The following GABRG3 variants were observed in gnomAD, a reference collection of about 807,000 sequenced individuals.
GABRG3 encodes gamma-aminobutyric acid receptor subunit gamma-3.
Under a neutral mutation model 48.8 loss-of-function variants are expected in GABRG3, and 25 were observed. The ratio of observed to expected loss-of-function variants is 0.51; its 90% CI spans 0.37 to 0.72. The LOEUF (loss-of-function observed/expected upper bound fraction) is 0.72. Ranked by LOEUF, GABRG3 falls within the 30% of genes least tolerant of loss-of-function variation. The pLI, the probability that GABRG3 is intolerant of heterozygous loss-of-function variation, is 0.00. For missense variants in GABRG3, 394 were observed against 577.9 expected (o/e 0.68, Z 3.26); for synonymous variants, 227 against 217.6 (o/e 1.04, Z -0.38).
At chr15:27,193,102 C>T (rs1016984377) in intron 3 of GABRG3, among the ~76,000 whole-genome samples, 5 of 152,220 alleles carry the variant, frequency 3.3e-5, no homozygotes, top group African/African-American at 1.2e-4. Flanking sequence ...AGTATCCGGC[C>T]GTGTGAGGTG....
At chr15:27,445,085 C>T (rs998824779) in intron 5 of GABRG3, among the ~76,000 whole-genome samples, 2 of 152,144 alleles carry the variant, frequency 1.3e-5, no homozygotes, top group African/African-American at 4.8e-5. Context: ...GTTGGCCAGG[C>T]TGGTCTCGAA....
intron 5 of GABRG3, among the ~76,000 whole-genome samples, chr15:27,388,251 A>AGGG (rs1252961933): frequency 4.5e-5 from 2 of 44,266 alleles, no homozygotes; most frequent in Non-Finnish European, 8.5e-5. Flanking sequence ...GGAGGAAAGG[A>AGGG]AGGAAGGAAA....
At chr15:27,516,046 A>G (rs1891010708) in intron 6 of GABRG3, among the ~76,000 whole-genome samples, 1 of 151,444 alleles carries the variant, frequency 6.6e-6, no homozygotes, top group African/African-American at 2.4e-5. Context: ...AAATTTGCTT[A>G]TATATTTGGT....
In GABRG3 at chr15:27,029,437, GCACACA is replaced by G. The variant is rs10564490; in HGVS notation, c.270+2630_270+2635del. ...GGGCAGGCAAGGATTTGTTTAAAAT[GCACACA>G]CACACACACACACGCATGCACACAT... is the stretch of plus-strand genomic sequence containing the variant. On this transcript the variant is annotated intron_variant, in intron 3 of 9. Transcript: ENST00000615808. 9.8e-3 allele frequency among the ~76,000 whole-genome samples: 1,471 copies of G among 150,688 alleles called. 13 individuals carry two copies. Among genetic ancestry groups the G allele is most frequent in the Non-Finnish European group, 0.016 (1,098 of 67,554 alleles).
At chr15:27,003,291 A>G (rs368572060) in intron 2 of GABRG3, among the ~76,000 whole-genome samples, 29 of 150,138 alleles carry the variant, frequency 1.9e-4, no homozygotes, top group Admixed American at 5.3e-4. Context: ...GCAGGGTCAT[A>G]GGACAATAGT....
intron 5 of GABRG3, among the ~76,000 whole-genome samples, chr15:27,332,524 ACT>A (rs748389073): frequency 6.7e-6 from 1 of 150,190 alleles, no homozygotes; most frequent in African/African-American, 2.5e-5. Context: ...ACAGAGTGAA[ACT>A]CTGTCTAAAA....
intron 6 of GABRG3, among the ~76,000 whole-genome samples, chr15:27,498,111 T>C (rs1890530983): frequency 6.6e-6 from 1 of 152,216 alleles, no homozygotes; most frequent in Non-Finnish European, 1.5e-5. Flanking sequence ...AGGATTTATG[T>C]CTTGATTTGT....
At chr15:27,294,222 C>CT in intron 3 of GABRG3, among the ~76,000 whole-genome samples, 1 of 144,210 alleles carries the variant, frequency 6.9e-6, no homozygotes, top group East Asian at 2.0e-4. Context: ...TTTTCTTTTT[C>CT]CTTTTTTTTT....
intron 3 of GABRG3, among the ~76,000 whole-genome samples, chr15:27,226,596 A>G (rs548456700): frequency 2.6e-5 from 4 of 151,806 alleles, no homozygotes; most frequent in Admixed American, 2.6e-4. Flanking sequence ...TGCCATCCGG[A>G]TGCCCCGGGC....
Position 27,352,904 on chromosome 15 carries a change from C to G in GABRG3, c.574+24016C>G, listed in dbSNP as rs1894675302. Among the ~76,000 whole-genome samples the G allele has an allele frequency of 2.0e-5, 3 of 152,152 alleles. No individual in the cohort carries two copies. Among genetic ancestry groups the G allele is most frequent in the African/African-American group, 4.8e-5 (2 of 41,414 alleles). The stretch of plus-strand genomic sequence containing the variant: ...TGGTAAGTCATTGCATCTGCATTAT[C>G]TTATCATCACGATTGCTGACAATGA... On this transcript the variant is annotated intron_variant, in intron 5 of 9. Coordinates refer to ENST00000615808, the MANE Select transcript of GABRG3 (RefSeq NM_033223.5). The surrounding 1 kb of genome is among the most constrained non-coding windows in gnomAD (Gnocchi z 4.0).
intron 3 of GABRG3, among the ~76,000 whole-genome samples, chr15:27,240,938 T>C (rs548941345): frequency 6.6e-6 from 1 of 152,326 alleles, no homozygotes; most frequent in African/African-American, 2.4e-5. Flanking sequence ...ACATTTCATA[T>C]GGAATCCTGA....
intron 3 of GABRG3, among the ~76,000 whole-genome samples, chr15:27,154,983 CCTTA>C (rs1279497040): frequency 6.6e-6 from 1 of 151,886 alleles, no homozygotes; most frequent in East Asian, 1.9e-4. Flanking sequence ...ACTTTTTCAT[CCTTA>C]CTGTCTTTCC....
chr15:27,004,274 G>T (rs1566906434), intron 2 of GABRG3, among the ~76,000 whole-genome samples: 1 of 151,872 alleles, frequency 6.6e-6, no homozygotes, highest in Non-Finnish European at 1.5e-5. Context: ...TCTCAGACGG[G>T]GCGGCCGGGC....
At chr15:27,162,085 T>G (rs1288040784) in intron 3 of GABRG3, among the ~76,000 whole-genome samples, 2 of 152,200 alleles carry the variant, frequency 1.3e-5, no homozygotes, top group African/African-American at 4.8e-5. Flanking sequence ...CTAAGACTGT[T>G]TACAGCTTAC....
At chr15:27,499,048 A>G (rs1380399034) in intron 6 of GABRG3, among the ~76,000 whole-genome samples, 1 of 152,034 alleles carries the variant, frequency 6.6e-6, no homozygotes, top group African/African-American at 2.4e-5. Flanking sequence ...CACGGAGCAG[A>G]CCTCGTCAGT....
intron 5 of GABRG3, among the ~76,000 whole-genome samples, chr15:27,393,974 T>G (rs1295769915): frequency 6.6e-6 from 1 of 152,216 alleles, no homozygotes; most frequent in Non-Finnish European, 1.5e-5. Flanking sequence ...ATGTGTATCT[T>G]TCAGTCTAAA....
At chr15:27,353,510 C>T (rs1332386030) in intron 5 of GABRG3, among the ~76,000 whole-genome samples, 1 of 151,942 alleles carries the variant, frequency 6.6e-6, no homozygotes, top group Admixed American at 6.6e-5. Context: ...ATGGCACGAT[C>T]TCAGCTCACT....
intron 5 of GABRG3, among the ~76,000 whole-genome samples, chr15:27,440,378 C>A (rs935923014): frequency 6.6e-6 from 1 of 152,158 alleles, no homozygotes; most frequent in Non-Finnish European, 1.5e-5. Context: ...ATCAGTGAAC[C>A]TTTTTTCTCC....
chr15:27,114,034 C>A (rs1029990507), intron 3 of GABRG3, among the ~76,000 whole-genome samples: 1 of 152,178 alleles, frequency 6.6e-6, no homozygotes. Context: ...TCTTACTAAA[C>A]CTTATTCTTT....
Sources: gnomAD v4.1 joint callset for allele counts (sites outside exome capture counted in the v4.1 genomes callset) on GRCh38, gnomAD v4.1.1 for gene constraint, Gnocchi (gnomAD v3.1) non-coding constraint, MANE v1.5 for transcripts, NCBI Gene and HGNC (gene_info 2026-07-23, HGNC 2026-07-21) for gene names.